The following GRIK2 variants were observed in gnomAD, a reference collection of about 807,000 sequenced individuals.
The protein encoded by GRIK2 is glutamate receptor ionotropic, kainate 2.
GRIK2 carries 32 observed loss-of-function variants against 100.3 expected under a neutral mutation model. That is an observed-to-expected ratio of 0.32 (90% confidence interval 0.24 to 0.43). The LOEUF (loss-of-function observed/expected upper bound fraction) is 0.43, where lower values mean the gene tolerates loss of function less well. Ranked by LOEUF, GRIK2 falls within the 20% of genes least tolerant of loss-of-function variation. The pLI is 1.00. For synonymous variants in GRIK2, 417 were observed against 389.4 expected, an observed-to-expected ratio of 1.07 and a Z score of -0.83; for missense variants, 843 against 1,114.9, an observed-to-expected ratio of 0.76 and a Z score of 3.47.
intron 12 of GRIK2, among the ~76,000 whole-genome samples, chr6:101,904,237 A>G (rs1336672391): frequency 6.6e-6 from 1 of 151,572 alleles, no homozygotes; most frequent in African/African-American, 2.4e-5. Flanking sequence ...CTAAGAATCT[A>G]GTCTCCTGAT....
intron 2 of GRIK2, among the ~76,000 whole-genome samples, chr6:101,494,444 A>T (rs917909497): frequency 2.0e-5 from 3 of 152,036 alleles, no homozygotes; most frequent in Non-Finnish European, 2.9e-5. Context: ...ACATTATTTT[A>T]AAAAACATAC....
At chr6:101,477,363 G>A (rs1431442804) in intron 2 of GRIK2, among the ~76,000 whole-genome samples, 1 of 152,170 alleles carries the variant, frequency 6.6e-6, no homozygotes, top group African/African-American at 2.4e-5. Context: ...ACAGGTCAAT[G>A]TTTTATTTTT....
At chr6:101,625,791 G>A (rs1780404023) in intron 3 of GRIK2, among the ~76,000 whole-genome samples, 1 of 152,142 alleles carries the variant, frequency 6.6e-6, no homozygotes, top group Admixed American at 6.6e-5. Flanking sequence ...AGATGACTGA[G>A]TACTTGTCTA....
At chr6:102,011,023 A>C (rs1035152682) in intron 14 of GRIK2, among the ~76,000 whole-genome samples, 2 of 152,118 alleles carry the variant, frequency 1.3e-5, no homozygotes, top group Non-Finnish European at 2.9e-5. Flanking sequence ...GAGTGAACCT[A>C]AGTTTTCAAC....
intron 7 of GRIK2, among the ~76,000 whole-genome samples, chr6:101,792,169 A>T (rs1268752963): frequency 6.6e-6 from 1 of 151,230 alleles, no homozygotes; most frequent in African/African-American, 2.4e-5. Context: ...CCAATTTGCC[A>T]GTCTGTGTCT....
intron 16 of GRIK2, 61 bp downstream of exon 16, chr6:102,055,641 A>C (rs1771427255): frequency 7.9e-7 from 1 of 1,259,878 alleles, no homozygotes; most frequent in African/African-American, 1.5e-5. Context: ...ATAAAACACA[A>C]ACCAAAAGAG....
intron 2 of GRIK2, among the ~76,000 whole-genome samples, chr6:101,577,355 A>G (rs659173): frequency 3.9e-5 from 6 of 151,954 alleles, no homozygotes; most frequent in Admixed American, 6.6e-5. Flanking sequence ...AACAGCATTC[A>G]TTGAATGCTT....
chr6:101,601,908 TG>T (rs1779232115), intron 2 of GRIK2, among the ~76,000 whole-genome samples: 1 of 151,754 alleles, frequency 6.6e-6, no homozygotes, highest in African/African-American at 2.4e-5. Flanking sequence ...TTTTTATGTA[TG>T]GGCTTTGGGT....
At chr6:101,969,079 A>C (rs1792877403) in intron 14 of GRIK2, among the ~76,000 whole-genome samples, 1 of 152,068 alleles carries the variant, frequency 6.6e-6, no homozygotes, top group South Asian at 2.1e-4. Context: ...ATTTGCAAGC[A>C]TAAAATATAT....
At chr6:101,555,099 A>G (rs1485035302) in intron 2 of GRIK2, among the ~76,000 whole-genome samples, 1 of 152,212 alleles carries the variant, frequency 6.6e-6, no homozygotes, top group Non-Finnish European at 1.5e-5. Context: ...GACTCCTTTT[A>G]CCATTAACAA....
At chr6:101,546,916 C>G (rs1473484627) in intron 2 of GRIK2, among the ~76,000 whole-genome samples, 1 of 143,944 alleles carries the variant, frequency 6.9e-6, no homozygotes, top group Non-Finnish European at 1.5e-5. Context: ...CTGCAAGCTC[C>G]GCCTCCCGGG....
chr6:101,787,517 C>T (rs1779511798), intron 7 of GRIK2, among the ~76,000 whole-genome samples: 4 of 152,068 alleles, frequency 2.6e-5, no homozygotes, highest in Admixed American at 2.6e-4. Context: ...TTATTTGTTT[C>T]AAGAAACTTT....
intron 2 of GRIK2, among the ~76,000 whole-genome samples, chr6:101,530,611 C>G (rs1336950087): frequency 1.3e-5 from 2 of 151,864 alleles, no homozygotes; most frequent in African/African-American, 4.8e-5. Context: ...TTGGCTTTAT[C>G]TAATAGGCAA....
chr6:101,803,297 T>A (rs1041138675), intron 9 of GRIK2, among the ~76,000 whole-genome samples: 1 of 151,806 alleles, frequency 6.6e-6, no homozygotes, highest in Non-Finnish European at 1.5e-5. Context: ...AGGGCTTTCT[T>A]AGTCTGGAAG....
At chr6:101,491,493 C>A (rs974340841) in intron 2 of GRIK2, among the ~76,000 whole-genome samples, 14 of 152,034 alleles carry the variant, frequency 9.2e-5, no homozygotes, top group African/African-American at 3.4e-4. Context: ...TTTTAATTAT[C>A]AAAAACTCAC....
intron 14 of GRIK2, among the ~76,000 whole-genome samples, chr6:101,931,200 T>A (rs1288265155): frequency 6.6e-6 from 1 of 152,144 alleles, no homozygotes; most frequent in Non-Finnish European, 1.5e-5. Context: ...TAAAAAAAAT[T>A]CTAGCAGTCT....
chr6:101,410,210 C>A (rs1277786741), intron 2 of GRIK2, among the ~76,000 whole-genome samples: 1 of 152,048 alleles, frequency 6.6e-6, no homozygotes, highest in East Asian at 1.9e-4. Context: ...TTTACCTACA[C>A]AAGTATTTTC....
At chr6:101,579,176 T>C (rs1295689900) in intron 2 of GRIK2, among the ~76,000 whole-genome samples, 1 of 152,154 alleles carries the variant, frequency 6.6e-6, no homozygotes, top group African/African-American at 2.4e-5. Flanking sequence ...ACATATAGTG[T>C]TATTCTCCTT....
Position 101,649,967 on chromosome 6 carries a change from ATCT to A in GRIK2, c.541+23334_541+23336del, listed in dbSNP as rs1439137627. Among the ~76,000 whole-genome samples the A allele has an allele frequency of 4.6e-5, 7 of 152,174 alleles. No homozygotes were observed. The East Asian group carries it at 1.4e-3, about 29-fold the overall frequency. On this transcript the variant is annotated intron_variant, in intron 4 of 16. Transcript: ENST00000369134. ...AGATGATCCCTTTTTCCATCTCTAG[ATCT>A]TCTAGAAGTAAATTTCACACAGTTA...
Sources: allele counts gnomAD v4.1 joint callset (sites outside exome capture counted in the v4.1 genomes callset), GRCh38; gene constraint gnomAD v4.1.1; transcripts MANE v1.5; gene names NCBI Gene and HGNC (gene_info 2026-07-23, HGNC 2026-07-21).